Variants in EXOC6B observed in about 807,000 individuals in gnomAD.
The protein encoded by EXOC6B is exocyst complex component 6B, also known as SEC15 homolog B.
EXOC6B carries 54 observed loss-of-function variants against 113.5 expected under a neutral mutation model. The ratio of observed to expected loss-of-function variants is 0.48; its 90% CI spans 0.38 to 0.60. The LOEUF (loss-of-function observed/expected upper bound fraction) is 0.60. Among genes scored for constraint, EXOC6B ranks in the 20% least tolerant of loss-of-function variants. The pLI, the probability that EXOC6B is intolerant of heterozygous loss-of-function variation, is 0.00. For missense variants in EXOC6B, 797 were observed against 977.5 expected (o/e 0.82, Z 2.46); for synonymous variants, 357 against 339.0 (o/e 1.05, Z -0.58).
intron 5 of EXOC6B, among the ~76,000 whole-genome samples, chr2:72,730,225 G>T (rs2048171): frequency 0.91 from 139,101 of 152,232 alleles, 63,629 homozygotes; most frequent in East Asian, 0.99. Flanking sequence ...TGGCTGACCA[G>T]AGGAGCCAGA....
At chr2:72,614,998 C>T (rs1558846351) in intron 6 of EXOC6B, among the ~76,000 whole-genome samples, 1 of 152,068 alleles carries the variant, frequency 6.6e-6, no homozygotes, top group Non-Finnish European at 1.5e-5. Context: ...ATAACTAAAT[C>T]TCCAACTAGA....
chr2:72,547,160 C>A (rs997373584), intron 8 of EXOC6B, among the ~76,000 whole-genome samples: 1 of 152,136 alleles, frequency 6.6e-6, no homozygotes, highest in Non-Finnish European at 1.5e-5. Flanking sequence ...CTTGATAGAG[C>A]CTTTGTAATA....
rs145010952 is a variant in EXOC6B, at chr2:72,253,290, T to C, written c.2197-69103A>G. ...GCCACTGAGGAAAGCAGTTTGGTGA[T>C]GTCTGAAAGAACTTAAAACAGAATT... On this transcript the variant is annotated intron_variant, in intron 20 of 21. Coordinates refer to ENST00000272427, the MANE Select transcript of EXOC6B (RefSeq NM_015189.3). Among the ~76,000 whole-genome samples the C allele has an allele frequency of 5.0e-3, 757 of 152,334 alleles. 8 individuals carry two copies. Among genetic ancestry groups the C allele is most frequent in the African/African-American group, 0.017 (725 of 41,572 alleles).
intron 20 of EXOC6B, among the ~76,000 whole-genome samples, chr2:72,276,732 A>T (rs1684826824): frequency 6.6e-6 from 1 of 152,146 alleles, no homozygotes; most frequent in Non-Finnish European, 1.5e-5. Flanking sequence ...TGCTCATAGT[A>T]TTAACTTGTT....
intron 20 of EXOC6B, among the ~76,000 whole-genome samples, chr2:72,323,379 T>C (rs1161748827): frequency 6.6e-6 from 1 of 152,148 alleles, no homozygotes; most frequent in African/African-American, 2.4e-5. Context: ...GCTTTTACAC[T>C]GTTGGTGGGA....
chr2:72,323,250 T>C (rs1437511754), intron 20 of EXOC6B, among the ~76,000 whole-genome samples: 2 of 152,168 alleles, frequency 1.3e-5, no homozygotes, highest in Non-Finnish European at 2.9e-5. Flanking sequence ...TCATCACTGG[T>C]CATTAGAGAA....
Position 72,524,150 on chromosome 2 carries a change from T to TAA in EXOC6B, c.916-9026_916-9025dup, listed in dbSNP as rs372964134. Among the ~76,000 whole-genome samples, 74 of 116,696 alleles carry TAA rather than the reference T, an allele frequency of 6.3e-4. 1 individual carries two copies. The highest frequency in any genetic ancestry group is 9.3e-4 in the Admixed American group (10 of 10,782). The allele number at this position is 116,696 out of a possible 152,430, so 76.6% of individuals were successfully genotyped here. A position where few individuals can be genotyped will look rare whatever the true frequency, so the allele number is the denominator to read the frequency against. The stretch of plus-strand genomic sequence containing the variant: ...AGTGAAGACAGGTTTATACAGAGTT[T>TAA]AAAAAAAAAAAAAAAAAAAAACTGA... On this transcript the variant is annotated intron_variant, in intron 8 of 21. Transcript: ENST00000272427.
chr2:72,582,793 T>G (rs1705307398), intron 6 of EXOC6B, among the ~76,000 whole-genome samples: 1 of 151,956 alleles, frequency 6.6e-6, no homozygotes, highest in Non-Finnish European at 1.5e-5. Context: ...AATTTAAAAT[T>G]TAGGGTTGGG....
At chr2:72,563,175 T>C (rs1703984952) in intron 7 of EXOC6B, among the ~76,000 whole-genome samples, 1 of 152,118 alleles carries the variant, frequency 6.6e-6, no homozygotes, top group East Asian at 1.9e-4. Flanking sequence ...GTAAAAGAAT[T>C]TGAGGATGCC....
Position 72,219,977 on chromosome 2 carries a change from C to A in EXOC6B, c.2197-35790G>T, listed in dbSNP as rs562141173. On this transcript the variant is annotated intron_variant, in intron 20 of 21. Coordinates refer to ENST00000272427, the MANE Select transcript of EXOC6B (RefSeq NM_015189.3). ...GGGACCTGACTCACGGTACAGCCTC[C>A]GGTAAGTCACTTAACCTTTTTGTGA... Among the ~76,000 whole-genome samples the A allele has an allele frequency of 3.4e-4, 51 of 152,190 alleles. No homozygotes were observed. The South Asian group carries it at 9.1e-3, about 27-fold the overall frequency.
At chr2:72,667,129 A>T (rs997863060) in intron 6 of EXOC6B, among the ~76,000 whole-genome samples, 27 of 152,164 alleles carry the variant, frequency 1.8e-4, no homozygotes, top group African/African-American at 5.8e-4. Context: ...TCCCAAAGTG[A>T]TGGGATTACA....
At chr2:72,255,967 G>A (rs547432663) in intron 20 of EXOC6B, among the ~76,000 whole-genome samples, 90 of 152,324 alleles carry the variant, frequency 5.9e-4, no homozygotes, top group African/African-American at 2.0e-3. Flanking sequence ...CTGTGAATGC[G>A]AGCTTATTTG....
rs142942659 is a variant in EXOC6B, at chr2:72,341,199, G to A, written c.2123-6179C>T. On this transcript the variant is annotated intron_variant, in intron 19 of 21. Coordinates refer to ENST00000272427, the MANE Select transcript of EXOC6B (RefSeq NM_015189.3). ...TGAAACTCACTAGATCTCCAACTTC[G>A]AGAAAGACAGGGGGCTGTAGGACAT... 3.1e-4 allele frequency among the ~76,000 whole-genome samples: 47 copies of A among 152,146 alleles called. No homozygotes were observed. In the East Asian group the frequency reaches 5.4e-3, roughly 17 times the overall value.
At chr2:72,328,869 T>G (rs1382170223) in intron 20 of EXOC6B, among the ~76,000 whole-genome samples, 1 of 152,116 alleles carries the variant, frequency 6.6e-6, no homozygotes, top group African/African-American at 2.4e-5. Context: ...GCTTAACTCA[T>G]TCCTTCTAAT....
intron 16 of EXOC6B, among the ~76,000 whole-genome samples, chr2:72,488,151 CA>C (rs1699535807): frequency 6.6e-6 from 1 of 152,162 alleles, no homozygotes; most frequent in Non-Finnish European, 1.5e-5. Flanking sequence ...TTTTATCAAT[CA>C]GCAGTATTTG....
chr2:72,707,880 A>G (rs1230093213), intron 6 of EXOC6B, among the ~76,000 whole-genome samples: 1 of 152,192 alleles, frequency 6.6e-6, no homozygotes, highest in Non-Finnish European at 1.5e-5. Context: ...CATTAATGCT[A>G]TAGAGGAAAA....
intron 20 of EXOC6B, among the ~76,000 whole-genome samples, chr2:72,202,766 T>G (rs1679566295): frequency 1.3e-5 from 2 of 152,230 alleles, no homozygotes; most frequent in Non-Finnish European, 2.9e-5. Context: ...CCTTCTCATC[T>G]AGTGACGAGT....
intron 20 of EXOC6B, among the ~76,000 whole-genome samples, chr2:72,301,669 AT>A (rs1480028723): frequency 6.6e-6 from 1 of 152,040 alleles, no homozygotes; most frequent in Admixed American, 6.6e-5. Context: ...GGTTATTTGT[AT>A]TTTTGTGGGG....
At chr2:72,462,145 TTAC>T (rs549718972) in intron 18 of EXOC6B, 1 of 152,122 alleles carries the variant, frequency 6.6e-6, no homozygotes, top group Non-Finnish European at 1.5e-5. Context: ...CTCTTTTATA[TTAC>T]TCTGTGATGT....
Sources: allele counts gnomAD v4.1 joint callset (sites outside exome capture counted in the v4.1 genomes callset), GRCh38; gene constraint gnomAD v4.1.1; transcripts MANE v1.5; gene names NCBI Gene and HGNC (gene_info 2026-07-23, HGNC 2026-07-21).